ERC1: variants seen among roughly 807,000 people sequenced by gnomAD.
ERC1 encodes the protein RAB6 interacting protein 2.
A neutral mutation model predicts 132.0 loss-of-function variants in ERC1; 56 were observed. The ratio of observed to expected loss-of-function variants is 0.42; its 90% confidence interval spans 0.34 to 0.53. The LOEUF is 0.53. Ranked by LOEUF, ERC1 falls within the 20% of genes least tolerant of loss-of-function variation. ERC1 has a pLI of 0.03. For missense variants in ERC1, 1,202 were observed against 1,349.9 expected, an observed-to-expected ratio of 0.89 and a Z score of 1.72; for synonymous variants, 478 against 476.1, an observed-to-expected ratio of 1.00 and a Z score of -0.05.
chr12:1,082,625 A>G (rs1220393523), intron 2 of ERC1, among the ~76,000 whole-genome samples: 2 of 151,280 alleles, frequency 1.3e-5, no homozygotes, highest in Non-Finnish European at 2.9e-5. Flanking sequence ...CGAGTAGCTC[A>G]GATTACAGGC....
At chr12:1,487,546 G>T (rs11609943) in intron 18 of ERC1, among the ~76,000 whole-genome samples, 1 of 61,388 alleles carries the variant, frequency 1.6e-5, no homozygotes. Flanking sequence ...CTCTAAAAAA[G>T]AAAAAGAAAA....
intron 14 of ERC1, among the ~76,000 whole-genome samples, chr12:1,286,650 C>T (rs2154338725): frequency 6.6e-6 from 1 of 152,156 alleles, no homozygotes; most frequent in East Asian, 1.9e-4. Flanking sequence ...AGAAAGAAAA[C>T]TACCATATTT....
intron 18 of ERC1, 175 bp downstream of exon 18, chr12:1,444,925 T>TCCAGTTGCCG (rs2093262612): frequency 7.8e-6 from 3 of 383,014 alleles, no homozygotes; most frequent in African/African-American, 6.3e-5. Flanking sequence ...CCTTGGGGAA[T>TCCAGTTGCCG]TCCATGTTTA....
intron 17 of ERC1, among the ~76,000 whole-genome samples, chr12:1,418,655 C>CTT (rs1360133394): frequency 4.0e-5 from 5 of 124,436 alleles, no homozygotes; most frequent in Non-Finnish European, 8.5e-5. Context: ...CTCTCTCTCT[C>CTT]TCTCTCTTTC....
chr12:1,203,765 A>G (rs1275030761), intron 12 of ERC1, among the ~76,000 whole-genome samples: 4 of 152,242 alleles, frequency 2.6e-5, no homozygotes, highest in African/African-American at 9.6e-5. Context: ...GACAGTAATG[A>G]ACTGTAAGGG....
At chr12:1,297,399 G>A (rs1231057662) in intron 15 of ERC1, among the ~76,000 whole-genome samples, 2 of 151,874 alleles carry the variant, frequency 1.3e-5, no homozygotes, top group African/African-American at 2.4e-5. Context: ...CTACAGGAAG[G>A]AATGAAGAAC....
intron 12 of ERC1, among the ~76,000 whole-genome samples, chr12:1,232,396 G>A (rs2075111962): frequency 6.6e-6 from 1 of 152,146 alleles, no homozygotes; most frequent in Non-Finnish European, 1.5e-5. Flanking sequence ...ACGTGAGCTA[G>A]GTATTTCTTC....
At chr12:990,258 G>A (rs931305543), upstream of ERC1, 3 of 151,934 alleles carry the variant, frequency 2.0e-5, no homozygotes. Context: ...TGGAAGGCTG[G>A]GAATAAATAT....
At chr12:1,009,130 T>A (rs986301707) in intron 1 of ERC1, among the ~76,000 whole-genome samples, 2 of 151,966 alleles carry the variant, frequency 1.3e-5, no homozygotes, top group Non-Finnish European at 2.9e-5. Context: ...AGCATCTTGG[T>A]GAGAGTATAA....
chr12:1,396,926 A>T (rs1260745068), intron 16 of ERC1, among the ~76,000 whole-genome samples: 1 of 152,158 alleles, frequency 6.6e-6, no homozygotes, highest in Non-Finnish European at 1.5e-5. Flanking sequence ...ATGACAAAGA[A>T]GCTTTTCTCT....
At chr12:1,360,401 C>T (rs888176300) in intron 15 of ERC1, among the ~76,000 whole-genome samples, 9 of 152,148 alleles carry the variant, frequency 5.9e-5, no homozygotes, top group Admixed American at 3.3e-4. Flanking sequence ...TTTACACTTA[C>T]TTCATTGGGG....
intron 12 of ERC1, among the ~76,000 whole-genome samples, chr12:1,218,421 G>A (rs888927030): frequency 1.3e-5 from 2 of 152,048 alleles, no homozygotes. Context: ...TTCTCTTGAT[G>A]TGATGTCTTA....
At chr12:1,306,680 T>G (rs1026011533) in intron 15 of ERC1, among the ~76,000 whole-genome samples, 2 of 152,140 alleles carry the variant, frequency 1.3e-5, no homozygotes, top group African/African-American at 4.8e-5. Flanking sequence ...TGTGAAGCTG[T>G]CAGTAATTTC....
At chr12:1,246,153 A>G (rs2076145971) in intron 13 of ERC1, among the ~76,000 whole-genome samples, 1 of 152,182 alleles carries the variant, frequency 6.6e-6, no homozygotes. Flanking sequence ...GTAGATTTAT[A>G]TGCATATACA....
intron 12 of ERC1, among the ~76,000 whole-genome samples, chr12:1,215,186 T>C (rs971940266): frequency 5.3e-5 from 8 of 152,206 alleles, no homozygotes; most frequent in Non-Finnish European, 1.2e-4. Context: ...TGTCTTCAGG[T>C]ATTACTGTTA....
At chr12:1,072,111 A>AC (rs1491305935) in intron 2 of ERC1, among the ~76,000 whole-genome samples, 2 of 151,514 alleles carry the variant, frequency 1.3e-5, no homozygotes, top group African/African-American at 4.8e-5. Context: ...AAAAAAAAAA[A>AC]CAAAAAAGTG....
chr12:1,330,823 CAT>C (rs893468071), intron 15 of ERC1, among the ~76,000 whole-genome samples: 3 of 152,210 alleles, frequency 2.0e-5, no homozygotes, highest in African/African-American at 7.2e-5. Flanking sequence ...GTCTTTTTTA[CAT>C]GTCTCTTAAT....
chr12:1,249,070 TAAGTA>T (rs1484156336), intron 13 of ERC1, among the ~76,000 whole-genome samples: 1 of 152,102 alleles, frequency 6.6e-6, no homozygotes, highest in African/African-American at 2.4e-5. Flanking sequence ...CTTCTTATTT[TAAGTA>T]GAGACTGAGT....
At chr12:1,268,172 G>A (rs889670009) in intron 14 of ERC1, among the ~76,000 whole-genome samples, 3 of 152,106 alleles carry the variant, frequency 2.0e-5, no homozygotes, top group Non-Finnish European at 4.4e-5. Context: ...AACTATAATT[G>A]TATTCCTTCG....
Sources: allele counts gnomAD v4.1 joint callset (sites outside exome capture counted in the v4.1 genomes callset), GRCh38; gene constraint gnomAD v4.1.1; transcripts MANE v1.5; gene names NCBI Gene and HGNC (gene_info 2026-07-23, HGNC 2026-07-21).